The following MYRIP variants were observed in gnomAD, a reference collection of about 807,000 sequenced individuals.
MYRIP encodes the protein rab effector MyRIP.
MYRIP carries 49 observed loss-of-function variants against 98.0 expected under a neutral mutation model. That is an observed-to-expected ratio of 0.50 (90% confidence interval 0.40 to 0.63). The LOEUF is 0.63. Among genes scored for constraint, MYRIP ranks in the 30% least tolerant of loss-of-function variants. The probability of loss-of-function intolerance (pLI) is 0.00; values close to 1 mark genes in which losing one functional copy is unlikely to be tolerated. For synonymous variants in MYRIP, 404 were observed against 409.5 expected (o/e 0.99, Z 0.16); for missense variants, 1,004 against 1,058.2 (o/e 0.95, Z 0.71).
chr3:39,898,313 T>G (rs1943663410), intron 1 of MYRIP, among the ~76,000 whole-genome samples: 1 of 152,190 alleles, frequency 6.6e-6, no homozygotes, highest in African/African-American at 2.4e-5. Flanking sequence ...TGTGATTTGT[T>G]GGTTAAATCT....
At chr3:40,060,900 T>A (rs2125848296) in intron 3 of MYRIP, among the ~76,000 whole-genome samples, 1 of 152,242 alleles carries the variant, frequency 6.6e-6, no homozygotes, top group Admixed American at 6.5e-5. Flanking sequence ...ACCTAGATAT[T>A]TTTATATTAA....
chr3:40,144,102 A>G (rs948735966), intron 3 of MYRIP, among the ~76,000 whole-genome samples: 1 of 152,140 alleles, frequency 6.6e-6, no homozygotes, highest in Non-Finnish European at 1.5e-5. Context: ...AATAATAAAA[A>G]CTCAACTCAA....
chr3:40,160,679 C>T (rs376561293), intron 4 of MYRIP, among the ~76,000 whole-genome samples: 6 of 152,152 alleles, frequency 3.9e-5, no homozygotes, highest in Non-Finnish European at 7.3e-5. Flanking sequence ...GAGCCAGGTG[C>T]GGGATATAAT....
At chr3:40,004,372 C>T (rs1946587381) in intron 2 of MYRIP, among the ~76,000 whole-genome samples, 1 of 152,170 alleles carries the variant, frequency 6.6e-6, no homozygotes, top group East Asian at 1.9e-4. Context: ...GCTAGGGGGA[C>T]AGTGATCAGG....
At chr3:39,816,130 G>A (rs1204014823) in intron 1 of MYRIP, among the ~76,000 whole-genome samples, 2 of 149,398 alleles carry the variant, frequency 1.3e-5, no homozygotes, top group Non-Finnish European at 3.0e-5. Flanking sequence ...CACCCAGGCT[G>A]GAGTGCAGTG....
chr3:40,008,061 A>G (rs9827368), intron 2 of MYRIP, among the ~76,000 whole-genome samples: 15,378 of 152,290 alleles, frequency 0.1, 1,353 homozygotes, highest in African/African-American at 0.23. Context: ...TTGCAGACAC[A>G]ACTGGCTGTC....
At chr3:39,937,241 A>T (rs992247010) in intron 2 of MYRIP, among the ~76,000 whole-genome samples, 9 of 152,230 alleles carry the variant, frequency 5.9e-5, no homozygotes, top group Non-Finnish European at 7.3e-5. Flanking sequence ...AGACATTAAC[A>T]TTGTGCATGT....
intron 3 of MYRIP, among the ~76,000 whole-genome samples, chr3:40,143,417 G>A (rs975684032): frequency 1.3e-5 from 2 of 152,142 alleles, no homozygotes; most frequent in Non-Finnish European, 2.9e-5. Flanking sequence ...GGTCCTCACA[G>A]CCCTCTCCCC....
intron 7 of MYRIP, 140 bp from the exon 8 acceptor site, chr3:40,169,810 A>G: frequency 1.1e-6 from 1 of 902,738 alleles, no homozygotes; most frequent in Non-Finnish European, 1.7e-6. Context: ...CTCATAGCGC[A>G]GATCTGAAAC....
chr3:39,934,807 T>A (rs1944622678), intron 2 of MYRIP, among the ~76,000 whole-genome samples: 1 of 152,194 alleles, frequency 6.6e-6, no homozygotes, highest in Non-Finnish European at 1.5e-5. Flanking sequence ...AATAATCTGT[T>A]GTTCAGGTGT....
At chr3:40,105,062 T>G (rs1490982397) in intron 3 of MYRIP, among the ~76,000 whole-genome samples, 1 of 152,180 alleles carries the variant, frequency 6.6e-6, no homozygotes, top group East Asian at 1.9e-4. Context: ...AGGTTGCCTG[T>G]GTTGTTCCTT....
At position 40,210,016 on chromosome 3, in the gene MYRIP, A is replaced by G. The variant is rs972793478; in HGVS notation, c.1828A>G (p.Lys610Glu). Residue 610 changes from lysine to glutamate, a missense_variant, in exon 11 of 17, where the codon AAG (lysine) becomes GAG (glutamate). Lys to Glu is a moderately conservative substitution (Grantham distance 56). Around this residue, in one of 3 missense-constraint regions of MYRIP, gnomAD observed 880 missense variants for 907.7 expected, o/e 0.97. Transcript: ENST00000302541. Reference sequence around the variant, plus strand: ...AGGGGAGGATCAGGAGTCTGAGCCCAAGACAGAATCTGAGAACCAGAAGGA... The same window carrying G: ...AGGGGAGGATCAGGAGTCTGAGCCCGAGACAGAATCTGAGAACCAGAAGGA... ...SSGEDQESEP[K>E]TESENQKESL... 6.2e-7 allele frequency: 1 copy of G among 1,614,026 alleles called. No homozygotes were observed. Among genetic ancestry groups the G allele is most frequent in the African/African-American group, 1.3e-5 (1 of 74,942 alleles).
intron 12 of MYRIP, among the ~76,000 whole-genome samples, chr3:40,235,606 A>C (rs1952802853): frequency 6.6e-6 from 1 of 152,206 alleles, no homozygotes. Context: ...TTACTGAAAA[A>C]TCATCCATTT....
At chr3:40,088,248 T>A (rs1442181180) in intron 3 of MYRIP, among the ~76,000 whole-genome samples, 2 of 152,114 alleles carry the variant, frequency 1.3e-5, no homozygotes, top group Non-Finnish European at 2.9e-5. Context: ...AACCTCAGAA[T>A]TTTTTTCTCA....
At chr3:40,122,872 T>A (rs56236718) in intron 3 of MYRIP, among the ~76,000 whole-genome samples, 8,845 of 151,802 alleles carry the variant, frequency 0.058, 357 homozygotes, top group East Asian at 0.22. Context: ...GTAGATATAT[T>A]TTTTTTTAAC....
intron 3 of MYRIP, among the ~76,000 whole-genome samples, chr3:40,131,530 T>C (rs973257761): frequency 3.9e-5 from 6 of 152,220 alleles, no homozygotes; most frequent in Non-Finnish European, 8.8e-5. Flanking sequence ...CATCGTATTC[T>C]CTCTGTGGCT....
At chr3:39,844,469 G>A (rs1941901469) in intron 1 of MYRIP, among the ~76,000 whole-genome samples, 1 of 152,196 alleles carries the variant, frequency 6.6e-6, no homozygotes, top group Non-Finnish European at 1.5e-5. Context: ...TGAAGACACA[G>A]GTGTGAATTG....
At chr3:39,837,436 C>T (rs1941660256) in intron 1 of MYRIP, among the ~76,000 whole-genome samples, 1 of 152,106 alleles carries the variant, frequency 6.6e-6, no homozygotes, top group Admixed American at 6.5e-5. Flanking sequence ...CTATATATGG[C>T]TCGTCAGTTT....
At chr3:40,057,435 T>A (rs1947907382) in intron 3 of MYRIP, among the ~76,000 whole-genome samples, 1 of 152,186 alleles carries the variant, frequency 6.6e-6, no homozygotes, top group African/African-American at 2.4e-5. Context: ...AGCCCTTGAA[T>A]GAATTAGAAC....
Sources: gnomAD v4.1 joint callset for allele counts (sites outside exome capture counted in the v4.1 genomes callset) on GRCh38, gnomAD v4.1.1 for gene constraint, gnomAD v4.1.1 regional missense constraint, MANE v1.5 for transcripts, NCBI Gene and HGNC (gene_info 2026-07-23, HGNC 2026-07-21) for gene names.